Variants in CDH8 observed in about 807,000 individuals in gnomAD.
CDH8 encodes cadherin-8.
In CDH8, 17 loss-of-function variants were observed where a neutral mutation model predicts 68.1. That is an observed-to-expected ratio of 0.25 (90% CI 0.17 to 0.37). The LOEUF (loss-of-function observed/expected upper bound fraction) is 0.37. Among genes scored for constraint, CDH8 ranks in the 10% least tolerant of loss-of-function variants. The pLI, the probability that CDH8 is intolerant of heterozygous loss-of-function variation, is 1.00. For synonymous variants in CDH8, 372 were observed against 365.1 expected, an observed-to-expected ratio of 1.02 and a Z score of -0.21; for missense variants, 763 against 999.3, an observed-to-expected ratio of 0.76 and a Z score of 3.19.
intron 8 of CDH8, among the ~76,000 whole-genome samples, chr16:61,757,948 AT>A: frequency 6.6e-6 from 1 of 152,292 alleles, no homozygotes; most frequent in South Asian, 2.1e-4. Context: ...ATCAAAACAG[AT>A]TTGAGTTCCT....
intron 8 of CDH8, among the ~76,000 whole-genome samples, chr16:61,777,646 T>G (rs1960934307): frequency 6.6e-6 from 1 of 152,012 alleles, no homozygotes; most frequent in South Asian, 2.1e-4. Context: ...TGGGAGAAAA[T>G]TAGTAGAATG....
intron 4 of CDH8, among the ~76,000 whole-genome samples, chr16:61,828,367 A>G (rs1379581213): frequency 1.3e-5 from 2 of 151,878 alleles, no homozygotes; most frequent in African/African-American, 4.8e-5. Flanking sequence ...CCATTCTTTT[A>G]TTCCTTTACT....
rs150217602 is a variant in CDH8 at position 61,888,513 on chromosome 16, T to G, written c.547+12666A>C. ...ACTGTTACTGGTTCTGACTTTCTGA[T>G]GGGGAGCCCCTATTCTCATCTGTGA... On this transcript the variant is annotated intron_variant, in intron 3 of 11. Coordinates refer to ENST00000577390, the MANE Select transcript of CDH8 (RefSeq NM_001796.5). 4.7e-4 allele frequency among the ~76,000 whole-genome samples: 71 copies of G among 152,312 alleles called. No individual in the cohort carries two copies. The East Asian group carries it at 0.013, about 28-fold the overall frequency.
intron 9 of CDH8, among the ~76,000 whole-genome samples, chr16:61,718,361 C>A (rs74481095): frequency 6.6e-6 from 1 of 151,524 alleles, no homozygotes; most frequent in Non-Finnish European, 1.5e-5. Context: ...TTTTCCAAGG[C>A]TTCTAGAATA....
At position 61,649,480 on chromosome 16, in the gene CDH8, A is replaced by T. The variant is rs1278081061; in HGVS notation, c.*4128T>A. ...GATATATATATTCTTTTTAATGTTGATATTCATGTTTAAGTTGTGCATTTA... is the reference window on the plus strand; with the variant it reads ...GATATATATATTCTTTTTAATGTTGTTATTCATGTTTAAGTTGTGCATTTA... On this transcript the variant is annotated 3_prime_UTR_variant, in exon 12 of 12. Coordinates refer to ENST00000577390, the MANE Select transcript of CDH8 (RefSeq NM_001796.5). 1 of 151,618 alleles carries T rather than the reference A, an allele frequency of 6.6e-6. No individual in the cohort carries two copies. Among genetic ancestry groups the T allele is most frequent in the Non-Finnish European group, 1.5e-5 (1 of 67,902 alleles). The allele number at this position is 151,618 out of a possible 1,614,324, so 9.4% of individuals were successfully genotyped here. A position where few individuals can be genotyped will look rare whatever the true frequency, so the allele number is the denominator to read the frequency against.
rs77390081 is a variant in CDH8, at chr16:61,763,776, C to T, written c.1414+25570G>A. On this transcript the variant is annotated intron_variant, in intron 8 of 11. Transcript: ENST00000577390. Reference sequence around the variant, plus strand: ...TTCTTTTGTTGAATAAGTAGGGAGGCATGACTGGAAAATGTTTCAAAGCTG... The same window carrying T: ...TTCTTTTGTTGAATAAGTAGGGAGGTATGACTGGAAAATGTTTCAAAGCTG... Among the ~76,000 whole-genome samples, 8 of 152,106 alleles carry T rather than the reference C, an allele frequency of 5.3e-5. No individual in the cohort carries two copies. In the East Asian group the frequency reaches 9.7e-4, roughly 18 times the overall value.
rs1362313686 is a variant in CDH8, at chr16:61,668,564, T to TTTA, written c.1655-12844_1655-12843insTAA. Among the ~76,000 whole-genome samples, 15 of 152,080 alleles carry TTTA rather than the reference T, an allele frequency of 9.9e-5. No homozygotes were observed. In the East Asian group the frequency reaches 2.5e-3, roughly 26 times the overall value. On this transcript the variant is annotated intron_variant, in intron 10 of 11. Coordinates refer to ENST00000577390, the MANE Select transcript of CDH8 (RefSeq NM_001796.5). ...TTTCTATTGTGTTTGAATGAAAATT[T>TTTA]TAAAGCTTTTATAAATATCAACAGA...
At position 61,760,399 on chromosome 16, in the gene CDH8, T is replaced by TCTCCTGGGTTCAAGTGATTCTCCTGC. The variant is rs1435665265; in HGVS notation, c.1414+28921_1414+28946dup. ...CAATCTCGGGTCACTGCAACCTCTG[T>TCTCCTGGGTTCAAGTGATTCTCCTGC]CTCCTGGGTTCAAGTGATTCTCCTG... On this transcript the variant is annotated intron_variant, in intron 8 of 11. Transcript: ENST00000577390. Among the ~76,000 whole-genome samples, 3 of 151,828 alleles carry TCTCCTGGGTTCAAGTGATTCTCCTGC rather than the reference T, an allele frequency of 2.0e-5. No individual in the cohort carries two copies. In the East Asian group the frequency reaches 5.9e-4, roughly 30 times the overall value.
intron 11 of CDH8, among the ~76,000 whole-genome samples, chr16:61,654,580 A>T (rs927658789): frequency 6.6e-6 from 1 of 152,212 alleles, no homozygotes; most frequent in African/African-American, 2.4e-5. Flanking sequence ...TTTATAAAAA[A>T]GTGAATGTCA....
At chr16:61,674,085 C>G (rs1963847855) in intron 10 of CDH8, among the ~76,000 whole-genome samples, 1 of 152,026 alleles carries the variant, frequency 6.6e-6, no homozygotes, top group South Asian at 2.1e-4. Flanking sequence ...GCAGAAAGAC[C>G]TCACCTAATA....
At chr16:61,897,629 A>G (rs1028348396) in intron 3 of CDH8, among the ~76,000 whole-genome samples, 1 of 152,236 alleles carries the variant, frequency 6.6e-6, no homozygotes, top group African/African-American at 2.4e-5. Flanking sequence ...ATGAAGATGT[A>G]GAAATCATAA....
intron 10 of CDH8, 103 bp downstream of exon 10, chr16:61,713,738 T>C (rs1196042587): frequency 1.5e-6 from 1 of 671,208 alleles, no homozygotes; most frequent in Non-Finnish European, 2.6e-6. Flanking sequence ...GTGCTCATAG[T>C]TGAACAAAAA....
At chr16:61,654,231 T>C (rs1339204334) in intron 11 of CDH8, 130 bp from the exon 12 acceptor site, 3 of 738,852 alleles carry the variant, frequency 4.1e-6, no homozygotes, top group Non-Finnish European at 6.6e-6. Flanking sequence ...TAATATTTAC[T>C]AGAAAATTAA....
intron 9 of CDH8, among the ~76,000 whole-genome samples, chr16:61,723,107 C>T (rs1217476207): frequency 6.6e-6 from 1 of 150,716 alleles, no homozygotes; most frequent in Non-Finnish European, 1.5e-5. Flanking sequence ...AGTCCCTGCA[C>T]TGATAGATCA....
intron 7 of CDH8, among the ~76,000 whole-genome samples, chr16:61,795,025 C>T (rs958618098): frequency 3.3e-5 from 5 of 151,908 alleles, no homozygotes; most frequent in Non-Finnish European, 7.4e-5. Context: ...CTGGTCCTCA[C>T]AGCTGCCACT....
At position 61,649,057 on chromosome 16, in the gene CDH8, T is replaced by G. The variant is rs1012092423; in HGVS notation, c.*4551A>C. The G allele has an allele frequency of 1.3e-5, 2 of 152,006 alleles. No individual in the cohort carries two copies. Among genetic ancestry groups the G allele is most frequent in the African/African-American group, 4.8e-5 (2 of 41,440 alleles). 9.4% of individuals were successfully genotyped at this position (152,006 alleles called of 1,614,324 possible). ...GCTGAGTAACAGTGCAAAGACACTT[T>G]TTATAGCAAATAAAACAGTATTGAA... On this transcript the variant is annotated 3_prime_UTR_variant, in exon 12 of 12. Transcript: ENST00000577390.
chr16:61,676,002 G>C (rs895058075), intron 10 of CDH8, among the ~76,000 whole-genome samples: 4 of 151,414 alleles, frequency 2.6e-5, no homozygotes. Flanking sequence ...AAAACAGAGT[G>C]AACCAGCAAA....
At chr16:61,875,232 C>T (rs1368951209) in intron 3 of CDH8, among the ~76,000 whole-genome samples, 2 of 151,940 alleles carry the variant, frequency 1.3e-5, no homozygotes, top group African/African-American at 2.4e-5. Context: ...GGTAACACCT[C>T]AGAAGGTTGT....
chr16:62,001,091 T>C (rs923733892), intron 2 of CDH8, among the ~76,000 whole-genome samples: 1 of 152,132 alleles, frequency 6.6e-6, no homozygotes, highest in Admixed American at 6.5e-5. Flanking sequence ...TTCACGTAGA[T>C]AATGAAGACA....
Sources: allele counts gnomAD v4.1 joint callset (sites outside exome capture counted in the v4.1 genomes callset), GRCh38; gene constraint gnomAD v4.1.1; transcripts MANE v1.5; gene names NCBI Gene and HGNC (gene_info 2026-07-23, HGNC 2026-07-21).